Variants in ERC2 observed in about 807,000 individuals in gnomAD.
ERC2 encodes the protein ERC protein 2.
Under a neutral mutation model 114.8 loss-of-function variants are expected in ERC2, and 42 were observed. That is an observed-to-expected ratio of 0.37 (90% CI 0.29 to 0.47). The LOEUF (loss-of-function observed/expected upper bound fraction) is 0.47. Ranked by LOEUF, ERC2 falls within the 20% of genes least tolerant of loss-of-function variation. The pLI, the probability that ERC2 is intolerant of heterozygous loss-of-function variation, is 0.99. For synonymous variants in ERC2, 454 were observed against 425.5 expected, an observed-to-expected ratio of 1.07 and a Z score of -0.82; for missense variants, 939 against 1,150.7, an observed-to-expected ratio of 0.82 and a Z score of 2.66.
intron 14 of ERC2, among the ~76,000 whole-genome samples, chr3:55,748,475 G>C (rs1009479045): frequency 6.6e-6 from 1 of 152,172 alleles, no homozygotes; most frequent in African/African-American, 2.4e-5. Flanking sequence ...CCCAGAGATT[G>C]CTACCACAGC....
At chr3:56,208,622 T>C (rs764977004) in intron 3 of ERC2, among the ~76,000 whole-genome samples, 8 of 152,220 alleles carry the variant, frequency 5.3e-5, no homozygotes, top group Non-Finnish European at 1.2e-4. Context: ...TTTGTGCTGC[T>C]CTTCACACTG....
chr3:55,817,523 G>A (rs1318217465), intron 14 of ERC2, among the ~76,000 whole-genome samples: 6 of 152,126 alleles, frequency 3.9e-5, no homozygotes, highest in Admixed American at 1.3e-4. Context: ...GCAAATAAGC[G>A]ATATTTATAT....
intron 3 of ERC2, among the ~76,000 whole-genome samples, chr3:56,236,737 C>A (rs2050973695): frequency 6.6e-6 from 1 of 152,120 alleles, no homozygotes; most frequent in Non-Finnish European, 1.5e-5. Flanking sequence ...TTCCATAGAA[C>A]TAACATCTAC....
intron 1 of ERC2, among the ~76,000 whole-genome samples, chr3:56,466,514 T>G (rs1363158627): frequency 6.6e-6 from 1 of 152,124 alleles, no homozygotes; most frequent in African/African-American, 2.4e-5. Flanking sequence ...GTAAAAGTAT[T>G]TTATTAAAGC....
chr3:55,833,522 G>C (rs926866692), intron 14 of ERC2, among the ~76,000 whole-genome samples: 10 of 152,140 alleles, frequency 6.6e-5, no homozygotes, highest in Non-Finnish European at 1.5e-4. Context: ...CTTCAGAAGT[G>C]AAGGAGAAAT....
chr3:56,438,224 A>C (rs1414636105), intron 1 of ERC2, among the ~76,000 whole-genome samples: 2 of 152,242 alleles, frequency 1.3e-5, no homozygotes, highest in Non-Finnish European at 2.9e-5. Flanking sequence ...CAAACTCGCC[A>C]GATTACTGCA....
chr3:56,158,744 C>A (rs538757853), intron 4 of ERC2, among the ~76,000 whole-genome samples: 78 of 151,472 alleles, frequency 5.1e-4, no homozygotes, highest in South Asian at 4.0e-3. Context: ...AAAAAAAAAA[C>A]CAAGAATTTA....
rs922389704 is a variant in ERC2 at position 55,775,303 on chromosome 3, G to A, written c.2565-40385C>T. Among the ~76,000 whole-genome samples, 10 of 152,196 alleles carry A rather than the reference G, an allele frequency of 6.6e-5. No individual in the cohort carries two copies. In the South Asian group the frequency reaches 8.3e-4, roughly 13 times the overall value. On this transcript the variant is annotated intron_variant, in intron 14 of 17. Coordinates refer to ENST00000288221, the MANE Select transcript of ERC2 (RefSeq NM_015576.3). ...TCCCAGCATTTTGTAAGGCCTAGGC[G>A]GAAGGATCACTTGAGGTCAGGAGTT...
chr3:56,155,075 ATGTTAGCGTCCC>A (rs142120316), intron 4 of ERC2, among the ~76,000 whole-genome samples: 6 of 152,318 alleles, frequency 3.9e-5, no homozygotes, highest in Admixed American at 2.6e-4. Context: ...TGCTCAATAA[ATGTTAGCGTCCC>A]TCTTGTTTCC....
chr3:55,610,121 A>G (rs2058839749), intron 17 of ERC2, among the ~76,000 whole-genome samples: 1 of 150,876 alleles, frequency 6.6e-6, no homozygotes, highest in Non-Finnish European at 1.5e-5. Flanking sequence ...TAACCTTGAC[A>G]CTTGAAGTTT....
intron 17 of ERC2, among the ~76,000 whole-genome samples, chr3:55,683,383 A>C (rs1200407796): frequency 2.0e-5 from 3 of 152,232 alleles, no homozygotes; most frequent in African/African-American, 7.2e-5. Context: ...CACAACCAGA[A>C]GGACGTGAGA....
At chr3:56,223,376 T>C (rs1382973479) in intron 3 of ERC2, among the ~76,000 whole-genome samples, 2 of 152,030 alleles carry the variant, frequency 1.3e-5, no homozygotes, top group Non-Finnish European at 2.9e-5. Context: ...GCCTCTTAGA[T>C]GGAAAAATAT....
At chr3:56,149,158 G>T in intron 4 of ERC2, 26 bp from the exon 5 acceptor site, 8 of 1,523,800 alleles carry the variant, frequency 5.3e-6, no homozygotes, top group East Asian at 2.4e-5. Context: ...AAAAGAAAAA[G>T]AAAAATAAAG....
intron 10 of ERC2, 71 bp from the exon 11 acceptor site, chr3:55,992,321 T>C (rs2071140422): frequency 1.5e-6 from 2 of 1,341,930 alleles, no homozygotes; most frequent in Non-Finnish European, 2.1e-6. Flanking sequence ...CTGTCACCAA[T>C]GGTCCAGAAA....
At chr3:56,362,352 A>C (rs2058990109) in intron 2 of ERC2, among the ~76,000 whole-genome samples, 1 of 152,202 alleles carries the variant, frequency 6.6e-6, no homozygotes, top group Non-Finnish European at 1.5e-5. Context: ...CACATAACAC[A>C]TTGGTAGGAG....
chr3:55,609,346 A>G (rs2058784775), intron 17 of ERC2, among the ~76,000 whole-genome samples: 1 of 152,192 alleles, frequency 6.6e-6, no homozygotes, highest in South Asian at 2.1e-4. Flanking sequence ...TCCCCTAGCC[A>G]CAGCATTGGT....
chr3:56,230,761 G>A (rs1245866283), intron 3 of ERC2, among the ~76,000 whole-genome samples: 1 of 152,200 alleles, frequency 6.6e-6, no homozygotes, highest in Non-Finnish European at 1.5e-5. Context: ...TATTGTTAGA[G>A]TAGGAGAAAA....
chr3:55,832,964 A>G (rs9873226), intron 14 of ERC2, among the ~76,000 whole-genome samples: 53,306 of 150,948 alleles, frequency 0.35, 11,712 homozygotes, highest in African/African-American at 0.62. Flanking sequence ...GAAGAATGTA[A>G]AGGCCTCAGG....
At chr3:56,428,426 C>T (rs2061657249) in intron 2 of ERC2, among the ~76,000 whole-genome samples, 1 of 151,902 alleles carries the variant, frequency 6.6e-6, no homozygotes, top group Admixed American at 6.6e-5. Flanking sequence ...GAGGCTGAGG[C>T]AGGAGGATTC....
Sources: allele counts gnomAD v4.1 joint callset (sites outside exome capture counted in the v4.1 genomes callset), GRCh38; gene constraint gnomAD v4.1.1; transcripts MANE v1.5; gene names NCBI Gene and HGNC (gene_info 2026-07-23, HGNC 2026-07-21).